Variants in COL24A1 observed in about 807,000 individuals in gnomAD.
The protein encoded by COL24A1 is collagen alpha-1(XXIV) chain.
In COL24A1, 224 loss-of-function variants were observed where a neutral mutation model predicts 253.9. That is an observed-to-expected ratio of 0.88 (90% CI 0.79 to 0.99). The LOEUF is 0.99. Among genes scored for constraint, COL24A1 ranks in the 50% least tolerant of loss-of-function variants. The pLI is 0.00. For missense variants in COL24A1, 2,131 were observed against 2,068.5 expected (o/e 1.03, Z -0.59); for synonymous variants, 685 against 673.7 (o/e 1.02, Z -0.26).
At chr1:86,130,301 C>T (rs1417142113) in intron 2 of COL24A1, among the ~76,000 whole-genome samples, 1 of 151,650 alleles carries the variant, frequency 6.6e-6, no homozygotes, top group East Asian at 1.9e-4. Context: ...TTTTTTGATC[C>T]AGTCTGAATT....
chr1:85,926,679 C>T (rs1000233546), intron 24 of COL24A1, among the ~76,000 whole-genome samples: 2 of 148,528 alleles, frequency 1.3e-5, no homozygotes, highest in Non-Finnish European at 3.0e-5. Flanking sequence ...GGGTGAGGGG[C>T]AGGGGGAGGG....
At chr1:85,775,533 A>T in intron 53 of COL24A1, 141 bp downstream of exon 53, 1 of 674,526 alleles carries the variant, frequency 1.5e-6, no homozygotes, top group Non-Finnish European at 2.5e-6. Flanking sequence ...GGTTAATTCT[A>T]CTTCCTGACA....
chr1:85,731,234 C>T (rs1663443825), intron 59 of COL24A1, among the ~76,000 whole-genome samples: 1 of 152,124 alleles, frequency 6.6e-6, no homozygotes, highest in Non-Finnish European at 1.5e-5. Context: ...CCTCTTTCTT[C>T]TCTTTTGTGT....
intron 19 of COL24A1, among the ~76,000 whole-genome samples, chr1:85,989,732 G>T (rs472154): frequency 6.6e-6 from 1 of 151,926 alleles, no homozygotes; most frequent in Non-Finnish European, 1.5e-5. Flanking sequence ...TTCATACTCT[G>T]ATAATATATA....
At chr1:85,987,688 A>C in intron 19 of COL24A1, 34 bp from the exon 20 acceptor site, 1 of 1,562,650 alleles carries the variant, frequency 6.4e-7, no homozygotes, top group Non-Finnish European at 8.7e-7. Context: ...TTTATTCCAT[A>C]GAAAATTACT....
chr1:85,995,166 A>T (rs77024527), intron 19 of COL24A1, among the ~76,000 whole-genome samples: 10,517 of 152,174 alleles, frequency 0.069, 443 homozygotes, highest in Middle Eastern at 0.13. Flanking sequence ...TATTTTTTTT[A>T]AAAAAGATTG....
intron 43 of COL24A1, among the ~76,000 whole-genome samples, chr1:85,833,359 G>A (rs1422222559): frequency 1.3e-5 from 2 of 152,150 alleles, no homozygotes; most frequent in African/African-American, 4.8e-5. Flanking sequence ...AAAAACACAT[G>A]ACAAAATGCT....
chr1:85,832,174 T>G (rs865957717), intron 43 of COL24A1, among the ~76,000 whole-genome samples: 37 of 152,018 alleles, frequency 2.4e-4, no homozygotes, highest in African/African-American at 7.2e-4. Flanking sequence ...CACCATTTAT[T>G]AAATAGGGAA....
At chr1:85,783,736 A>G (rs566153206) in intron 50 of COL24A1, among the ~76,000 whole-genome samples, 178 bp from the exon 51 acceptor site, 1 of 152,324 alleles carries the variant, frequency 6.6e-6, no homozygotes, top group East Asian at 1.9e-4. Flanking sequence ...AAATACACCA[A>G]TGAAGGGAGA....
rs748284630 is a variant in COL24A1 at position 85,794,047 on chromosome 1, CA to C, written c.3952-7587del. ...AATAAAGTAAAAAACAAAGTAACTT[CA>C]GAGTTAAACCAACTGAAAAGTTAAG... On this transcript the variant is annotated intron_variant, in intron 47 of 59. Transcript: ENST00000370571. Among the ~76,000 whole-genome samples the C allele has an allele frequency of 7.0e-4, 106 of 152,196 alleles. 1 individual carries two copies. The highest frequency in any genetic ancestry group is 1.2e-3 in the Non-Finnish European group (83 of 67,996).
intron 1 of COL24A1, among the ~76,000 whole-genome samples, chr1:86,152,257 C>A (rs1652878275): frequency 6.6e-6 from 1 of 152,072 alleles, no homozygotes; most frequent in Non-Finnish European, 1.5e-5. Context: ...TGAGCACCCC[C>A]AATCTAAAAA....
At chr1:86,129,180 T>C (rs1212090708) in intron 2 of COL24A1, among the ~76,000 whole-genome samples, 3 of 151,808 alleles carry the variant, frequency 2.0e-5, no homozygotes, top group African/African-American at 7.2e-5. Flanking sequence ...ATTTATATTT[T>C]TCTATGAAAT....
At chr1:85,800,005 G>C (rs934687643) in intron 47 of COL24A1, among the ~76,000 whole-genome samples, 21 of 152,116 alleles carry the variant, frequency 1.4e-4, no homozygotes, top group African/African-American at 5.1e-4. Flanking sequence ...TTCTGTACCA[G>C]TCGTACATAA....
chr1:86,058,405 T>A (rs1235835598), intron 9 of COL24A1, among the ~76,000 whole-genome samples: 7 of 151,168 alleles, frequency 4.6e-5, no homozygotes, highest in Non-Finnish European at 7.4e-5. Flanking sequence ...ACATATATTA[T>A]CACTTGAGAG....
chr1:85,838,680 T>C (rs1676281397), intron 42 of COL24A1, 42 bp from the exon 43 acceptor site: 1 of 1,575,622 alleles, frequency 6.3e-7, no homozygotes, highest in Non-Finnish European at 8.7e-7. Flanking sequence ...TACAGCTGGA[T>C]CAAAGTATAT....
At chr1:85,738,697 C>T (rs1187414654) in intron 57 of COL24A1, among the ~76,000 whole-genome samples, 1 of 152,178 alleles carries the variant, frequency 6.6e-6, no homozygotes, top group East Asian at 1.9e-4. Context: ...GGCAGAAGTC[C>T]TTGTTCATTC....
intron 7 of COL24A1, among the ~76,000 whole-genome samples, chr1:86,069,695 A>C (rs976208180): frequency 1.3e-5 from 2 of 152,106 alleles, no homozygotes; most frequent in Non-Finnish European, 2.9e-5. Context: ...TTTGTTTAGA[A>C]GAAATTAAGA....
chr1:85,870,039 G>C (rs902274607), intron 35 of COL24A1, among the ~76,000 whole-genome samples: 1 of 152,096 alleles, frequency 6.6e-6, no homozygotes, highest in African/African-American at 2.4e-5. Context: ...AAAGGCAGGG[G>C]TTGCAATCCT....
At chr1:85,886,962 T>A (rs748916976) in intron 32 of COL24A1, among the ~76,000 whole-genome samples, 2 of 152,192 alleles carry the variant, frequency 1.3e-5, no homozygotes, top group Non-Finnish European at 2.9e-5. Context: ...TTTCCGAGAC[T>A]GTTGCCACTT....
Sources: allele counts gnomAD v4.1 joint callset (sites outside exome capture counted in the v4.1 genomes callset), GRCh38; gene constraint gnomAD v4.1.1; transcripts MANE v1.5; gene names NCBI Gene and HGNC (gene_info 2026-07-23, HGNC 2026-07-21).